PP2D1: variants seen among roughly 807,000 people sequenced by gnomAD.
The protein encoded by PP2D1 is protein phosphatase 2C like domain containing 1.
A neutral mutation model predicts 30.2 loss-of-function variants in PP2D1; 25 were observed. The observed-to-expected ratio is 0.83, with a 90% CI of 0.60 to 1.16. The LOEUF is 1.16. PP2D1 is among the 50% of genes most tolerant of loss of function. The probability of loss-of-function intolerance (pLI) is 0.00; values close to 1 mark genes in which losing one functional copy is unlikely to be tolerated. For missense variants in PP2D1, 760 were observed against 742.4 expected, an observed-to-expected ratio of 1.02 and a Z score of -0.28; for synonymous variants, 260 against 258.9, an observed-to-expected ratio of 1.00 and a Z score of -0.04.
chr3:19,989,729 G>T (rs1697091765), intron 2 of PP2D1, among the ~76,000 whole-genome samples: 1 of 152,164 alleles, frequency 6.6e-6, no homozygotes, highest in Non-Finnish European at 1.5e-5. Flanking sequence ...TTTTACGTGT[G>T]TGCATACATA....
intron 2 of PP2D1, among the ~76,000 whole-genome samples, chr3:19,992,890 C>T (rs1697135156): frequency 6.6e-6 from 1 of 152,094 alleles, no homozygotes; most frequent in Non-Finnish European, 1.5e-5. Context: ...TTGTGATAGC[C>T]AGCTGTGGTG....
At chr3:20,006,501 T>G (rs1318738754) in intron 1 of PP2D1, among the ~76,000 whole-genome samples, 1 of 152,102 alleles carries the variant, frequency 6.6e-6, no homozygotes, top group Non-Finnish European at 1.5e-5. Context: ...ATTTGCATCT[T>G]CCTTGTATGT....
At chr3:20,000,189 C>A (rs1697234200) in intron 2 of PP2D1, among the ~76,000 whole-genome samples, 1 of 152,178 alleles carries the variant, frequency 6.6e-6, no homozygotes, top group Non-Finnish European at 1.5e-5. Flanking sequence ...AGACCTTGAA[C>A]AAATTATCTC....
intron 1 of PP2D1, among the ~76,000 whole-genome samples, chr3:20,006,989 A>T (rs1206784471): frequency 7.5e-6 from 1 of 132,472 alleles, no homozygotes; most frequent in African/African-American, 2.8e-5. Flanking sequence ...ATATATATGT[A>T]TACACACACA....
In PP2D1 at chr3:19,986,170, G is replaced by C; in HGVS notation, c.1103C>G (p.Ala368Gly). The change falls in exon 3 of 3, where the codon GCA becomes GGA. Residue 368 changes from alanine (A) to glycine (G), a missense_variant. Coordinates refer to ENST00000389050, the MANE Select transcript of PP2D1 (RefSeq NM_001252657.2). ...LHVANTGNVQ[A>G]VLCRNGKGFC... Reference sequence around the variant, plus strand: ...ACCTTTCCCATTTCTGCATAAGACTGCTTGCACATTACCTAAAAGATTATT... The same window carrying C: ...ACCTTTCCCATTTCTGCATAAGACTCCTTGCACATTACCTAAAAGATTATT... 1 of 1,485,110 alleles carries C rather than the reference G, an allele frequency of 6.7e-7. No individual in the cohort carries two copies. Among genetic ancestry groups the C allele is most frequent in the Non-Finnish European group, 8.9e-7 (1 of 1,124,720 alleles). The allele number at this position is 1,485,110 out of a possible 1,614,324, so 92.0% of individuals were successfully genotyped here.
At chr3:19,989,115 C>G (rs1342981017) in intron 2 of PP2D1, among the ~76,000 whole-genome samples, 1 of 152,176 alleles carries the variant, frequency 6.6e-6, no homozygotes, top group Admixed American at 6.5e-5. Flanking sequence ...AGGAGGATCA[C>G]TTGAGGCCAG....
chr3:20,002,256 C>T (rs2125144779), intron 1 of PP2D1, among the ~76,000 whole-genome samples, 160 bp from the exon 2 acceptor site: 1 of 152,252 alleles, frequency 6.6e-6, no homozygotes, highest in South Asian at 2.1e-4. Flanking sequence ...TGTAAGTACT[C>T]AATTAACTGG....
At chr3:19,997,636 G>T (rs1697198547) in intron 2 of PP2D1, among the ~76,000 whole-genome samples, 1 of 152,134 alleles carries the variant, frequency 6.6e-6, no homozygotes, top group South Asian at 2.1e-4. Context: ...AGATGAATGG[G>T]TAAAGAAAAT....
intron 1 of PP2D1, among the ~76,000 whole-genome samples, chr3:20,004,214 G>A (rs9818225): frequency 0.16 from 24,274 of 152,128 alleles, 2,120 homozygotes; most frequent in Non-Finnish European, 0.21. Context: ...TACTTACCAT[G>A]TGTTACAATT....
intron 1 of PP2D1, among the ~76,000 whole-genome samples, chr3:20,010,009 A>G (rs9858983): frequency 0.2 from 29,913 of 152,060 alleles, 3,109 homozygotes; most frequent in African/African-American, 0.24. Context: ...ATAGAGTATA[A>G]TAAGTCCCCA....
At chr3:19,982,030 C>G (rs1332499434), downstream of PP2D1, among the ~76,000 whole-genome samples, 1 of 151,766 alleles carries the variant, frequency 6.6e-6, no homozygotes, top group Admixed American at 6.6e-5. Context: ...ATCTTCAAGG[C>G]CAGGAGTTCT....
intron 2 of PP2D1, among the ~76,000 whole-genome samples, chr3:19,996,640 C>T (rs1697183018): frequency 1.3e-5 from 2 of 152,076 alleles, no homozygotes; most frequent in South Asian, 4.2e-4. Context: ...AAGAAGAAAA[C>T]TATAGGCCAA....
rs189469969 is a variant in PP2D1 at position 19,985,416 on chromosome 3, T to C, written c.1857A>G (p.Ile619Met). ...GCTGATATTCACTTCCATTGAGAAATATTACCATAACTGTAATGTTGTCTC... is the reference window on the plus strand; with the variant it reads ...GCTGATATTCACTTCCATTGAGAAACATTACCATAACTGTAATGTTGTCTC... Reference protein sequence around the residue: ...GSRDNITVMVIFLNGSEYQLL... With the variant: ...GSRDNITVMVMFLNGSEYQLL... Residue 619 changes from isoleucine (I) to methionine (M), a missense_variant, in exon 3 of 3, where the codon ATA becomes ATG. By Grantham distance (10) the Ile-to-Met change is conservative. Coordinates refer to ENST00000389050, the MANE Select transcript of PP2D1 (RefSeq NM_001252657.2). 1,095 of 1,534,530 alleles carry C rather than the reference T, an allele frequency of 7.1e-4. 17 individuals are homozygous for C. The highest frequency in any genetic ancestry group is 1.7e-4 in the Non-Finnish European group (191 of 1,146,014).
downstream of PP2D1, chr3:19,984,518 A>T (rs1696995453): frequency 5.4e-6 from 1 of 183,588 alleles, no homozygotes; most frequent in South Asian, 1.0e-4. Flanking sequence ...CCTTTCAAAC[A>T]TGTGAGTTCT....
chr3:19,991,444 G>A (rs1697118711), intron 2 of PP2D1, among the ~76,000 whole-genome samples: 1 of 152,150 alleles, frequency 6.6e-6, no homozygotes, highest in Non-Finnish European at 1.5e-5. Context: ...GAAAGAATGA[G>A]AGAAGAGGAA....
intron 1 of PP2D1, among the ~76,000 whole-genome samples, chr3:20,006,022 G>T (rs1222897140): frequency 2.0e-5 from 3 of 152,098 alleles, no homozygotes; most frequent in African/African-American, 7.2e-5. Flanking sequence ...AGGCAGGTGG[G>T]TCACTTGAGG....
intron 2 of PP2D1, among the ~76,000 whole-genome samples, chr3:19,992,535 C>A (rs984215563): frequency 6.6e-6 from 1 of 152,238 alleles, no homozygotes; most frequent in South Asian, 2.1e-4. Flanking sequence ...CATTTTCACA[C>A]CCATGGAAAC....
chr3:20,002,963 G>A (rs1423977158), intron 1 of PP2D1, among the ~76,000 whole-genome samples: 2 of 152,080 alleles, frequency 1.3e-5, no homozygotes, highest in East Asian at 1.9e-4. Context: ...GCTGAGGCAG[G>A]AGAATTGCTT....
intron 1 of PP2D1, among the ~76,000 whole-genome samples, chr3:20,007,434 C>A (rs1268368048): frequency 1.3e-5 from 2 of 151,686 alleles, no homozygotes; most frequent in African/African-American, 4.8e-5. Context: ...GAGGAAAAAG[C>A]ATGTAACTTT....
Sources: gnomAD v4.1 joint callset for allele counts (sites outside exome capture counted in the v4.1 genomes callset) on GRCh38, gnomAD v4.1.1 for gene constraint, MANE v1.5 for transcripts, NCBI Gene and HGNC (gene_info 2026-07-23, HGNC 2026-07-21) for gene names.